Variants in PPM1L observed in about 807,000 individuals in gnomAD.
PPM1L encodes the protein protein phosphatase 1L.
PPM1L carries 13 observed loss-of-function variants against 31.4 expected under a neutral mutation model. The ratio of observed to expected loss-of-function variants is 0.41; its 90% CI spans 0.27 to 0.66. The LOEUF (loss-of-function observed/expected upper bound fraction) is 0.66. PPM1L is among the 30% of genes least tolerant of loss of function. The pLI, the probability that PPM1L is intolerant of heterozygous loss-of-function variation, is 0.29. For synonymous variants in PPM1L, 184 were observed against 175.4 expected, an observed-to-expected ratio of 1.05 and a Z score of -0.39; for missense variants, 326 against 453.7, an observed-to-expected ratio of 0.72 and a Z score of 2.56.
chr3:160,818,807 G>A (rs1342080345), intron 1 of PPM1L, among the ~76,000 whole-genome samples: 1 of 151,828 alleles, frequency 6.6e-6, no homozygotes, highest in Non-Finnish European at 1.5e-5. Flanking sequence ...ATGGTATTTA[G>A]CATATCCATT....
intron 1 of PPM1L, among the ~76,000 whole-genome samples, chr3:160,910,222 CTTTCCT>C (rs1713910461): frequency 8.6e-6 from 1 of 115,972 alleles, no homozygotes; most frequent in African/African-American, 3.5e-5. Context: ...TCCCCTTCCC[CTTTCCT>C]TTCCCCTTCC....
chr3:160,765,609 C>G (rs1233127769), intron 1 of PPM1L, among the ~76,000 whole-genome samples: 3 of 152,206 alleles, frequency 2.0e-5, no homozygotes, highest in Non-Finnish European at 4.4e-5. Flanking sequence ...GGCAGAATCT[C>G]TATCCCACTA....
In PPM1L at chr3:160,756,234, C is replaced by T. The variant is rs1218879286; in HGVS notation, c.-75C>T. The T allele has an allele frequency of 3.9e-6, 6 of 1,519,236 alleles. No individual in the cohort carries two copies. The highest frequency in any genetic ancestry group is 1.3e-5 in the South Asian group (1 of 79,958). 94.1% of individuals were successfully genotyped at this position (1,519,236 alleles called of 1,614,324 possible). A position where few individuals can be genotyped will look rare whatever the true frequency, so the allele number is the denominator to read the frequency against. ...TCCGCCTCCCTCCCGGCGGGCTGTC[C>T]CCGCAGTGCTCCCGGACCCGGCGAG... On this transcript the variant is annotated 5_prime_UTR_variant, in exon 1 of 4. Coordinates refer to ENST00000498165, the MANE Select transcript of PPM1L (RefSeq NM_139245.4). The surrounding 1 kb of genome is among the most constrained non-coding windows in gnomAD (Gnocchi z 6.2).
intron 1 of PPM1L, among the ~76,000 whole-genome samples, chr3:160,947,499 T>C (rs1434581839): frequency 1.3e-5 from 2 of 152,156 alleles, no homozygotes; most frequent in Non-Finnish European, 2.9e-5. Flanking sequence ...CATCACTCTC[T>C]CAGGAAACCC....
At chr3:160,816,941 A>C (rs1713014876) in intron 1 of PPM1L, among the ~76,000 whole-genome samples, 1 of 152,140 alleles carries the variant, frequency 6.6e-6, no homozygotes, top group East Asian at 1.9e-4. Flanking sequence ...AATAGTGATC[A>C]ATAATCTCTT....
chr3:160,965,003 G>A (rs1478520116), intron 2 of PPM1L, among the ~76,000 whole-genome samples: 1 of 152,070 alleles, frequency 6.6e-6, no homozygotes, highest in Non-Finnish European at 1.5e-5. Flanking sequence ...TGTAATCCCA[G>A]CACTTTGGGA....
At chr3:160,923,723 A>C (rs1047553487) in intron 1 of PPM1L, among the ~76,000 whole-genome samples, 1 of 152,190 alleles carries the variant, frequency 6.6e-6, no homozygotes, top group African/African-American at 2.4e-5. Context: ...TTGGAAATTC[A>C]GACAGTGTAG....
intron 1 of PPM1L, among the ~76,000 whole-genome samples, chr3:160,814,354 C>T (rs1018896318): frequency 3.9e-5 from 6 of 152,074 alleles, no homozygotes; most frequent in South Asian, 2.1e-4. Context: ...ACGGACTTGT[C>T]GTTATATGAA....
chr3:160,858,730 A>G (rs145069371), intron 1 of PPM1L, among the ~76,000 whole-genome samples: 97 of 152,310 alleles, frequency 6.4e-4, no homozygotes, highest in Middle Eastern at 6.8e-3. Context: ...GAGTATCTAC[A>G]TGGGTGGTAT....
intron 1 of PPM1L, among the ~76,000 whole-genome samples, chr3:160,936,641 A>G (rs1714982382): frequency 6.6e-6 from 1 of 152,254 alleles, no homozygotes; most frequent in Admixed American, 6.5e-5. Flanking sequence ...TGGCAGAAAC[A>G]TTATAATGGA....
At chr3:160,972,048 A>C (rs944882168) in intron 2 of PPM1L, among the ~76,000 whole-genome samples, 4 of 152,214 alleles carry the variant, frequency 2.6e-5, no homozygotes, top group Non-Finnish European at 5.9e-5. Context: ...AATTACAGGA[A>C]TGAGCCACCA....
intron 1 of PPM1L, among the ~76,000 whole-genome samples, chr3:160,906,831 G>A (rs1293468245): frequency 6.6e-6 from 1 of 152,194 alleles, no homozygotes; most frequent in East Asian, 1.9e-4. Flanking sequence ...CTCACTGTTT[G>A]TTGGCTGGGG....
chr3:160,806,642 C>T (rs948236737), intron 1 of PPM1L, among the ~76,000 whole-genome samples: 2 of 151,918 alleles, frequency 1.3e-5, no homozygotes, highest in African/African-American at 2.4e-5. Flanking sequence ...GGCACAGTGG[C>T]GGGCTGTAGA....
At chr3:160,890,564 A>G (rs1360514415) in intron 1 of PPM1L, among the ~76,000 whole-genome samples, 1 of 152,236 alleles carries the variant, frequency 6.6e-6, no homozygotes, top group Non-Finnish European at 1.5e-5. Context: ...AAAGTAATTC[A>G]TATATTCAAT....
intron 1 of PPM1L, among the ~76,000 whole-genome samples, chr3:160,953,381 C>A (rs1179551379): frequency 2.0e-5 from 3 of 152,100 alleles, no homozygotes; most frequent in African/African-American, 4.8e-5. Context: ...ACTCACACAA[C>A]CATGACATAT....
At chr3:160,843,424 T>TA (rs1713955149) in intron 1 of PPM1L, among the ~76,000 whole-genome samples, 1 of 50,094 alleles carries the variant, frequency 2.0e-5, no homozygotes, top group African/African-American at 6.4e-5. Context: ...ATGGCAATTC[T>TA]TTTATATATA....
In PPM1L at chr3:161,078,624, G is replaced by A. The variant is rs1720184185; in HGVS notation, c.*9467G>A. ...CAGAGGTTATTATACCTACTGATCTGTATTTGTCTCTAAGAGACATTTGAA... is the reference window on the plus strand; with the variant it reads ...CAGAGGTTATTATACCTACTGATCTATATTTGTCTCTAAGAGACATTTGAA... On this transcript the variant is annotated 3_prime_UTR_variant, in exon 4 of 4. Transcript: ENST00000498165. 1 of 152,176 alleles carries A rather than the reference G, an allele frequency of 6.6e-6. No individual in the cohort carries two copies. The highest frequency in any genetic ancestry group is 2.4e-5 in the African/African-American group (1 of 41,434). The allele number at this position is 152,176 out of a possible 1,614,324, so 9.4% of individuals were successfully genotyped here.
At chr3:160,895,116 C>A (rs1463447235) in intron 1 of PPM1L, among the ~76,000 whole-genome samples, 7 of 152,198 alleles carry the variant, frequency 4.6e-5, no homozygotes, top group Non-Finnish European at 1.5e-5. Context: ...CTTGGAATTT[C>A]TTCCTCCTTT....
rs1300005130 is a variant in PPM1L, at chr3:160,843,424, TTTTATATATATATATA to T, written c.399+86719_399+86734del. 2.3e-3 allele frequency among the ~76,000 whole-genome samples: 115 copies of T among 50,090 alleles called. 2 individuals carry two copies. The highest frequency in any genetic ancestry group is 6.9e-3 in the African/African-American group (109 of 15,702). The allele number at this position is 50,090 out of a possible 152,430, so 32.9% of individuals were successfully genotyped here. A position where few individuals can be genotyped will look rare whatever the true frequency, so the allele number is the denominator to read the frequency against. ...TTTTTTTGTGTGTGTATGGCAATTCTTTTATATATATATATATATATATATATATATATATATATAT... is the reference window on the plus strand; with the variant it reads ...TTTTTTTGTGTGTGTATGGCAATTCTTATATATATATATATATATATATAT... On this transcript the variant is annotated intron_variant, in intron 1 of 3. Coordinates refer to ENST00000498165, the MANE Select transcript of PPM1L (RefSeq NM_139245.4).
Sources: gnomAD v4.1 joint callset for allele counts (sites outside exome capture counted in the v4.1 genomes callset) on GRCh38, gnomAD v4.1.1 for gene constraint, Gnocchi (gnomAD v3.1) non-coding constraint, MANE v1.5 for transcripts, NCBI Gene and HGNC (gene_info 2026-07-23, HGNC 2026-07-21) for gene names.